SEMA6D: variants seen among roughly 807,000 people sequenced by gnomAD.
SEMA6D encodes semaphorin 6D.
SEMA6D carries 35 observed loss-of-function variants against 106.6 expected under a neutral mutation model. The ratio of observed to expected loss-of-function variants is 0.33; its 90% CI spans 0.25 to 0.44. The LOEUF (loss-of-function observed/expected upper bound fraction) is 0.44. Among genes scored for constraint, SEMA6D ranks in the 20% least tolerant of loss-of-function variants. SEMA6D has a pLI of 1.00. For missense variants in SEMA6D, 1,185 were observed against 1,345.9 expected, an observed-to-expected ratio of 0.88 and a Z score of 1.87; for synonymous variants, 499 against 487.7, an observed-to-expected ratio of 1.02 and a Z score of -0.31.
intron 4 of SEMA6D, among the ~76,000 whole-genome samples, chr15:47,670,504 G>T (rs114127699): frequency 1.5e-3 from 236 of 152,310 alleles, no homozygotes; most frequent in African/African-American, 5.5e-3. Context: ...GCAAGACATG[G>T]GGGAGAATGC....
rs973959986 is a variant in SEMA6D at position 47,411,875 on chromosome 15, T to C, written c.-238-518T>C. 3.9e-5 allele frequency among the ~76,000 whole-genome samples: 6 copies of C among 152,220 alleles called. No individual in the cohort carries two copies. The East Asian group carries it at 1.2e-3, about 29-fold the overall frequency. On this transcript the variant is annotated intron_variant, in intron 1 of 19. Transcript: ENST00000558014. ...CTCATCTCAAGGTCAATAGAGGGAA[T>C]TTGGAAACTTCTCTTGAGTAAGAGT...
intron 1 of SEMA6D, among the ~76,000 whole-genome samples, chr15:47,351,319 A>C (rs996223794): frequency 3.3e-5 from 5 of 152,182 alleles, no homozygotes; most frequent in Admixed American, 3.3e-4. Flanking sequence ...TAAACTATTA[A>C]TTGAGTTCTA....
At chr15:47,490,175 G>A (rs1224621394) in intron 3 of SEMA6D, among the ~76,000 whole-genome samples, 2 of 152,016 alleles carry the variant, frequency 1.3e-5, no homozygotes, top group Admixed American at 6.6e-5. Context: ...CAGTTCCTTG[G>A]GGGAAAGGAC....
intron 2 of SEMA6D, among the ~76,000 whole-genome samples, chr15:47,450,977 C>G (rs1296833176): frequency 6.6e-6 from 1 of 152,038 alleles, no homozygotes; most frequent in African/African-American, 2.4e-5. Flanking sequence ...TAGTGGAAGT[C>G]TCCACTTCCA....
At chr15:47,543,826 C>T (rs893674875) in intron 3 of SEMA6D, among the ~76,000 whole-genome samples, 1 of 151,980 alleles carries the variant, frequency 6.6e-6, no homozygotes, top group African/African-American at 2.4e-5. Context: ...TGGGTACTTT[C>T]ACTATGCCCA....
chr15:47,386,981 G>A (rs2039860010), intron 1 of SEMA6D, among the ~76,000 whole-genome samples: 1 of 152,330 alleles, frequency 6.6e-6, no homozygotes, highest in South Asian at 2.1e-4. Flanking sequence ...CATTGTGGGT[G>A]TTGGCCCACA....
chr15:47,344,597 TCAGGA>T (rs1343743604), intron 1 of SEMA6D, among the ~76,000 whole-genome samples: 7 of 152,174 alleles, frequency 4.6e-5, no homozygotes, highest in African/African-American at 7.2e-5. Context: ...GCTGAAGTTC[TCAGGA>T]CAGAAGTCTT....
intron 1 of SEMA6D, among the ~76,000 whole-genome samples, chr15:47,251,513 C>A (rs1007259292): frequency 4.6e-5 from 7 of 152,134 alleles, no homozygotes; most frequent in Non-Finnish European, 1.0e-4. Context: ...TTTCCAATTG[C>A]CATCCTAAAT....
At chr15:47,375,559 G>A (rs763276486) in intron 1 of SEMA6D, among the ~76,000 whole-genome samples, 4 of 152,018 alleles carry the variant, frequency 2.6e-5, no homozygotes, top group African/African-American at 9.7e-5. Flanking sequence ...ACTGGCTGCC[G>A]AACAGAGGGT....
chr15:47,415,803 A>C (rs1214769368), intron 2 of SEMA6D, among the ~76,000 whole-genome samples: 1 of 152,168 alleles, frequency 6.6e-6, no homozygotes, highest in Non-Finnish European at 1.5e-5. Context: ...CCTTGCAAAG[A>C]ACTGTTGATC....
At chr15:47,457,623 A>T (rs1288424389) in intron 2 of SEMA6D, among the ~76,000 whole-genome samples, 3 of 152,008 alleles carry the variant, frequency 2.0e-5, no homozygotes, top group African/African-American at 7.2e-5. Flanking sequence ...AGTCAATTTG[A>T]AGATATTCCT....
At chr15:47,738,808 C>T (rs2080610136) in intron 1 of SEMA6D, among the ~76,000 whole-genome samples, 1 of 152,222 alleles carries the variant, frequency 6.6e-6, no homozygotes, top group South Asian at 2.1e-4. Flanking sequence ...AGCAAAGACT[C>T]ATCACTACTC....
At chr15:47,558,687 T>A (rs1185174551) in intron 3 of SEMA6D, among the ~76,000 whole-genome samples, 1 of 152,146 alleles carries the variant, frequency 6.6e-6, no homozygotes, top group Non-Finnish European at 1.5e-5. Context: ...GCACTAGATA[T>A]ATCTAGGATT....
chr15:47,727,861 C>G (rs569190149), intron 1 of SEMA6D, among the ~76,000 whole-genome samples: 2 of 152,172 alleles, frequency 1.3e-5, no homozygotes, highest in South Asian at 2.1e-4. Flanking sequence ...AAGGTGATTG[C>G]CTGCTGCGGT....
intron 3 of SEMA6D, among the ~76,000 whole-genome samples, chr15:47,591,171 G>A (rs1007463512): frequency 6.6e-5 from 10 of 152,170 alleles, no homozygotes; most frequent in African/African-American, 2.2e-4. Flanking sequence ...CATGAGGTGG[G>A]AGGAAAGCAA....
chr15:47,562,254 A>T (rs896627760), intron 3 of SEMA6D, among the ~76,000 whole-genome samples: 22 of 152,046 alleles, frequency 1.4e-4, no homozygotes, highest in African/African-American at 5.3e-4. Context: ...GCAAAAAAAA[A>T]TTAAATAAAT....
At chr15:47,643,844 C>A (rs939201198) in intron 4 of SEMA6D, among the ~76,000 whole-genome samples, 2 of 152,144 alleles carry the variant, frequency 1.3e-5, no homozygotes, top group African/African-American at 4.8e-5. Context: ...TGCTATAGAA[C>A]ACTAGAATGT....
Position 47,288,152 on chromosome 15 carries a change from A to G in SEMA6D, c.-239+103734A>G, listed in dbSNP as rs532346759. The stretch of plus-strand genomic sequence containing the variant: ...GTGATCCAAACACTTTTACATTTCA[A>G]CAGGAGATTTGGGTGGGGACATCAA... On this transcript the variant is annotated intron_variant, in intron 1 of 19. Coordinates refer to the SEMA6D transcript ENST00000558014. Among the ~76,000 whole-genome samples the G allele has an allele frequency of 3.9e-4, 60 of 152,310 alleles. No individual in the cohort carries two copies. The South Asian group carries it at 0.012, about 32-fold the overall frequency.
intron 3 of SEMA6D, among the ~76,000 whole-genome samples, chr15:47,546,473 G>A (rs773945376): frequency 1.3e-5 from 2 of 152,076 alleles, no homozygotes; most frequent in Non-Finnish European, 2.9e-5. Flanking sequence ...ACATATGTAG[G>A]TATATATGTA....
Sources: gnomAD v4.1 joint callset for allele counts (sites outside exome capture counted in the v4.1 genomes callset) on GRCh38, gnomAD v4.1.1 for gene constraint, MANE v1.5 for transcripts, NCBI Gene and HGNC (gene_info 2026-07-23, HGNC 2026-07-21) for gene names.